Variants in FAT1 observed in about 807,000 individuals in gnomAD.
FAT1 encodes the protein protocadherin Fat 1.
A neutral mutation model predicts 329.8 loss-of-function variants in FAT1; 171 were observed. That is an observed-to-expected ratio of 0.52 (90% CI 0.46 to 0.59). FAT1 has a LOEUF of 0.59. Ranked by LOEUF, FAT1 falls within the 20% of genes least tolerant of loss-of-function variation. The probability of loss-of-function intolerance (pLI) is 0.00; values close to 1 mark genes in which losing one functional copy is unlikely to be tolerated. For missense variants in FAT1, 5,672 were observed against 5,774.4 expected (o/e 0.98, Z 0.57); for synonymous variants, 2,233 against 2,228.6 (o/e 1.00, Z -0.06).
chr4:186,683,295 G>T (rs1309065800), intron 2 of FAT1, among the ~76,000 whole-genome samples: 3 of 151,958 alleles, frequency 2.0e-5, no homozygotes, highest in African/African-American at 7.3e-5. Context: ...GTGTTGACTC[G>T]TGTCTCCTCT....
chr4:186,627,353 C>T (rs1008170714), intron 9 of FAT1, among the ~76,000 whole-genome samples: 5 of 151,274 alleles, frequency 3.3e-5, no homozygotes, highest in African/African-American at 9.7e-5. Context: ...ACACATAAAA[C>T]GAGCTTCATC....
rs746897734 is a variant in FAT1, at chr4:186,619,629, T to A, written c.6957A>T (p.Ser2319=). 6.2e-7 allele frequency: 1 copy of A among 1,613,962 alleles called. No homozygotes were observed. The highest frequency in any genetic ancestry group is 8.5e-7 in the Non-Finnish European group (1 of 1,179,858). The change falls in exon 10 of 27, where the codon TCA becomes TCT. Residue 2319 remains serine, a synonymous_variant. Transcript: ENST00000441802. ...DSDSEPNRGI[S]YQMFGNHSKS... is the part of the protein sequence containing the mutation. ...TGCTGTGATTCCCAAACATCTGGTA[T>A]GAGATTCCTCTATTTGGTTCTGAAT...
intron 2 of FAT1, among the ~76,000 whole-genome samples, chr4:186,689,326 A>G (rs1033154790): frequency 2.6e-5 from 4 of 152,236 alleles, no homozygotes; most frequent in Non-Finnish European, 2.9e-5. Flanking sequence ...GGGAACTTCA[A>G]TAACAAATGT....
At chr4:186,662,351 C>G (rs1196840273) in intron 3 of FAT1, among the ~76,000 whole-genome samples, 2 of 152,152 alleles carry the variant, frequency 1.3e-5, no homozygotes, top group African/African-American at 4.8e-5. Context: ...GCAGTCACCA[C>G]TTGTGCAGTA....
chr4:186,689,662 G>A (rs1489235796), intron 2 of FAT1, among the ~76,000 whole-genome samples: 1 of 152,140 alleles, frequency 6.6e-6, no homozygotes, highest in Non-Finnish European at 1.5e-5. Flanking sequence ...CAGTGTAATA[G>A]GCTTTTAACA....
intron 6 of FAT1, among the ~76,000 whole-genome samples, chr4:186,635,366 G>A (rs1197447902): frequency 6.6e-6 from 1 of 152,106 alleles, no homozygotes; most frequent in African/African-American, 2.4e-5. Context: ...ACGTTGAATA[G>A]GGTATTACAT....
chr4:186,694,825 G>A (rs186280258), intron 2 of FAT1, among the ~76,000 whole-genome samples: 6 of 152,302 alleles, frequency 3.9e-5, no homozygotes, highest in African/African-American at 1.2e-4. Flanking sequence ...AGCCAGGCAT[G>A]ATGGCGGGTG....
chr4:186,668,539 G>C (rs1002397651), intron 2 of FAT1, among the ~76,000 whole-genome samples: 1 of 152,128 alleles, frequency 6.6e-6, no homozygotes, highest in East Asian at 1.9e-4. Flanking sequence ...TTAATCAGGG[G>C]TTCATCACGA....
rs1740042907 is a variant in FAT1 at position 186,621,444 on chromosome 4, T to C, written c.5142A>G (p.Pro1714=). The change falls in exon 10 of 27, where the codon CCA becomes CCG. Residue 1714 remains proline (P), a synonymous_variant. Coordinates refer to ENST00000441802, the MANE Select transcript of FAT1 (RefSeq NM_005245.4). ...TCTGAGTGATGATAGTTCCAGAATG[T>C]GGATTAATATCAAAAGCATCACCTG... ...GNTGDAFDIN[P]HSGTIITQKA... is the part of the protein sequence containing the mutation. 2 of 1,614,062 alleles carry C rather than the reference T, an allele frequency of 1.2e-6. No individual in the cohort carries two copies. The highest frequency in any genetic ancestry group is 1.7e-6 in the Non-Finnish European group (2 of 1,179,906).
At chr4:186,634,701 A>C (rs978724137) in intron 6 of FAT1, among the ~76,000 whole-genome samples, 1 of 152,250 alleles carries the variant, frequency 6.6e-6, no homozygotes, top group Non-Finnish European at 1.5e-5. Flanking sequence ...TAGATCTCAT[A>C]ATCTGAGGCA....
chr4:186,705,688 T>G (rs1277889887), intron 2 of FAT1, among the ~76,000 whole-genome samples: 1 of 152,188 alleles, frequency 6.6e-6, no homozygotes, highest in Admixed American at 6.5e-5. Context: ...CCAGGACATA[T>G]TGACATATAA....
intron 7 of FAT1, among the ~76,000 whole-genome samples, chr4:186,633,270 AT>A (rs1264847753): frequency 2.0e-5 from 3 of 152,208 alleles, no homozygotes; most frequent in Non-Finnish European, 4.4e-5. Context: ...TTTATTAGTT[AT>A]TTTATATAGC....
At chr4:186,685,075 T>A (rs752733495) in intron 2 of FAT1, among the ~76,000 whole-genome samples, 1 of 151,910 alleles carries the variant, frequency 6.6e-6, no homozygotes, top group Non-Finnish European at 1.5e-5. Context: ...GACACAGGAG[T>A]AACCAGGAGC....
At chr4:186,715,651 T>C (rs1162987445) in intron 1 of FAT1, among the ~76,000 whole-genome samples, 1 of 152,210 alleles carries the variant, frequency 6.6e-6, no homozygotes, top group Non-Finnish European at 1.5e-5. Flanking sequence ...TAGACTCCTT[T>C]GCTTATGGAA....
At chr4:186,712,714 G>A (rs191331127) in intron 1 of FAT1, among the ~76,000 whole-genome samples, 1 of 150,262 alleles carries the variant, frequency 6.7e-6, no homozygotes, top group Admixed American at 6.6e-5. Flanking sequence ...GCAACTCTTA[G>A]ATTCTTTGGG....
chr4:186,705,100 C>A (rs1409294033), intron 2 of FAT1, among the ~76,000 whole-genome samples: 1 of 150,514 alleles, frequency 6.6e-6, no homozygotes, highest in East Asian at 2.0e-4. Flanking sequence ...GTACCACCAC[C>A]CCAGCATTTT....
At chr4:186,662,045 G>C (rs1418831189) in intron 3 of FAT1, among the ~76,000 whole-genome samples, 3 of 129,242 alleles carry the variant, frequency 2.3e-5, no homozygotes, top group Non-Finnish European at 4.6e-5. Flanking sequence ...ACACACACTT[G>C]GTCCCAGAAG....
intron 2 of FAT1, among the ~76,000 whole-genome samples, chr4:186,683,198 A>G (rs1382673362): frequency 6.6e-6 from 1 of 152,186 alleles, no homozygotes; most frequent in Admixed American, 6.5e-5. Flanking sequence ...GAGGCCATGC[A>G]CACCCTGCAA....
At chr4:186,679,154 G>A (rs1282567591) in intron 2 of FAT1, among the ~76,000 whole-genome samples, 1 of 152,140 alleles carries the variant, frequency 6.6e-6, no homozygotes, top group Admixed American at 6.5e-5. Context: ...GCCGAGGCGG[G>A]TGGATCACGA....
Sources: gnomAD v4.1 joint callset for allele counts (sites outside exome capture counted in the v4.1 genomes callset) on GRCh38, gnomAD v4.1.1 for gene constraint, MANE v1.5 for transcripts, NCBI Gene and HGNC (gene_info 2026-07-23, HGNC 2026-07-21) for gene names.